The following THEMIS variants were observed in gnomAD, a reference collection of about 807,000 sequenced individuals.
THEMIS encodes protein THEMIS.
In THEMIS, 37 loss-of-function variants were observed where a neutral mutation model predicts 52.6. That is an observed-to-expected ratio of 0.70 (90% confidence interval 0.54 to 0.93). THEMIS has a LOEUF of 0.93. Among genes scored for constraint, THEMIS ranks in the 40% least tolerant of loss-of-function variants. THEMIS has a pLI of 0.00. For synonymous variants in THEMIS, 292 were observed against 272.7 expected (o/e 1.07, Z -0.70); for missense variants, 808 against 763.1 (o/e 1.06, Z -0.69).
intron 3 of THEMIS, 111 bp downstream of exon 3, chr6:127,829,365 G>T: frequency 2.4e-6 from 2 of 829,530 alleles, no homozygotes; most frequent in South Asian, 1.8e-5. Context: ...ACTCTCACAG[G>T]CTCAATAGTT....
At chr6:127,746,744 ATAT>A (rs1775407427) in intron 4 of THEMIS, among the ~76,000 whole-genome samples, 1 of 90,858 alleles carries the variant, frequency 1.1e-5, no homozygotes, top group African/African-American at 4.6e-5. Flanking sequence ...ATTATATTAT[ATAT>A]AATTATATAT....
At chr6:127,900,098 G>C (rs1781093410) in intron 1 of THEMIS, among the ~76,000 whole-genome samples, 1 of 151,558 alleles carries the variant, frequency 6.6e-6, no homozygotes, top group Non-Finnish European at 1.5e-5. Context: ...TACCACTCTT[G>C]AGGCCAGAAA....
intron 4 of THEMIS, among the ~76,000 whole-genome samples, chr6:127,783,875 C>T (rs1177938247): frequency 6.6e-6 from 1 of 152,138 alleles, no homozygotes; most frequent in African/African-American, 2.4e-5. Flanking sequence ...ACCCAGCAAT[C>T]CCATTACTGG....
chr6:127,808,226 C>T (rs1307755982), intron 4 of THEMIS, among the ~76,000 whole-genome samples: 2 of 152,190 alleles, frequency 1.3e-5, no homozygotes, highest in African/African-American at 4.8e-5. Flanking sequence ...TGTTTTCTGT[C>T]TTGTTATAGA....
chr6:127,811,783 C>T (rs1777915258), intron 4 of THEMIS, among the ~76,000 whole-genome samples: 1 of 152,128 alleles, frequency 6.6e-6, no homozygotes, highest in Non-Finnish European at 1.5e-5. Flanking sequence ...ACAATAGCAA[C>T]ACGTTAATCA....
Position 127,736,058 on chromosome 6 carries a change from G to A in THEMIS, c.1759-16235C>T, listed in dbSNP as rs78326502. Among the ~76,000 whole-genome samples the A allele has an allele frequency of 1.0e-3, 158 of 152,264 alleles. 1 individual carries two copies. Among genetic ancestry groups the A allele is most frequent in the African/African-American group, 3.2e-3 (135 of 41,548 alleles). On this transcript the variant is annotated intron_variant, in intron 4 of 5. Transcript: ENST00000368248. ...TGTGGGCAAGTTTACCATCCATCAC[G>A]GATTTTGTGCTTGGTGAATTGTAGG...
At chr6:127,908,564 C>T (rs933260987) in intron 1 of THEMIS, among the ~76,000 whole-genome samples, 4 of 152,026 alleles carry the variant, frequency 2.6e-5, no homozygotes, top group African/African-American at 4.8e-5. Context: ...TTGGTGTTAC[C>T]GTATGAATTA....
At chr6:127,749,361 C>T (rs565833994) in intron 4 of THEMIS, among the ~76,000 whole-genome samples, 1 of 152,076 alleles carries the variant, frequency 6.6e-6, no homozygotes, top group South Asian at 2.1e-4. Context: ...AGGATTGATG[C>T]TTTCTATGTC....
intron 4 of THEMIS, among the ~76,000 whole-genome samples, chr6:127,786,581 A>G (rs1160405602): frequency 6.6e-6 from 1 of 152,176 alleles, no homozygotes; most frequent in Admixed American, 6.5e-5. Context: ...AGCTTTCTTA[A>G]GCCTCACAAC....
At chr6:127,845,677 TC>T (rs752071289) in intron 2 of THEMIS, among the ~76,000 whole-genome samples, 6 of 151,888 alleles carry the variant, frequency 4.0e-5, no homozygotes, top group Non-Finnish European at 4.4e-5. Context: ...CATTTTGAAC[TC>T]ATTATTGGGG....
At chr6:127,730,281 G>GAAAAGAAAAGAAAAGAA (rs1774724146) in intron 4 of THEMIS, among the ~76,000 whole-genome samples, 1 of 81,026 alleles carries the variant, frequency 1.2e-5, no homozygotes, top group Non-Finnish European at 2.3e-5. Context: ...AGGAAATAAA[G>GAAAAGAAAAGAAAAGAA]AAAAGAAAAG....
intron 4 of THEMIS, among the ~76,000 whole-genome samples, chr6:127,762,836 T>A (rs1223202752): frequency 6.6e-6 from 1 of 152,126 alleles, no homozygotes; most frequent in Non-Finnish European, 1.5e-5. Flanking sequence ...CTGCTTTTGC[T>A]GCCATTGTTC....
chr6:127,890,445 G>A (rs1337359129), intron 1 of THEMIS, among the ~76,000 whole-genome samples: 1 of 152,118 alleles, frequency 6.6e-6, no homozygotes, highest in East Asian at 1.9e-4. Context: ...GTAGCGGGGA[G>A]AAGGGGGTGA....
intron 2 of THEMIS, among the ~76,000 whole-genome samples, chr6:127,849,990 C>T (rs1353658285): frequency 6.6e-6 from 1 of 151,924 alleles, no homozygotes; most frequent in Non-Finnish European, 1.5e-5. Context: ...ACTATGCATC[C>T]AACCAAGGAC....
In THEMIS at chr6:127,873,567, G is replaced by A. The variant is rs1406216482; in HGVS notation, c.92-18379C>T. On this transcript the variant is annotated intron_variant, in intron 1 of 5. Transcript: ENST00000368248. ...AAGCTTTTTAAAGAACAACAACAAA[G>A]TACTGGAAAAATTGGACATCCATAA... Among the ~76,000 whole-genome samples, 4 of 152,246 alleles carry A rather than the reference G, an allele frequency of 2.6e-5. No homozygotes were observed. In the East Asian group the frequency reaches 5.8e-4, roughly 22 times the overall value.
At chr6:127,784,300 G>A (rs1011745687) in intron 4 of THEMIS, among the ~76,000 whole-genome samples, 2 of 151,984 alleles carry the variant, frequency 1.3e-5, no homozygotes, top group Non-Finnish European at 2.9e-5. Context: ...TGGGCTGATG[G>A]GTGCAGCAGA....
intron 2 of THEMIS, among the ~76,000 whole-genome samples, chr6:127,850,749 G>A (rs891574179): frequency 2.0e-5 from 3 of 151,700 alleles, no homozygotes; most frequent in African/African-American, 7.3e-5. Flanking sequence ...GGTTGGAAGG[G>A]GGTGAGGGAT....
At chr6:127,902,274 G>A (rs1269426438), upstream of THEMIS, among the ~76,000 whole-genome samples, 2 of 143,606 alleles carry the variant, frequency 1.4e-5, no homozygotes, top group Non-Finnish European at 3.0e-5. Flanking sequence ...ACAGTGAGTT[G>A]TGAACATGCC....
At chr6:127,734,868 C>CAAAAAA (rs1197660495) in intron 4 of THEMIS, among the ~76,000 whole-genome samples, 8 of 32,954 alleles carry the variant, frequency 2.4e-4, no homozygotes, top group African/African-American at 8.5e-4. Context: ...GGCTCTGTCT[C>CAAAAAA]AAAAAAAAAA....
Sources: allele counts gnomAD v4.1 joint callset (sites outside exome capture counted in the v4.1 genomes callset), GRCh38; gene constraint gnomAD v4.1.1; transcripts MANE v1.5; gene names NCBI Gene and HGNC (gene_info 2026-07-23, HGNC 2026-07-21).